SMIM29: variants seen among roughly 807,000 people sequenced by gnomAD.
SMIM29 encodes uncharacterized protein C6orf1.
A neutral mutation model predicts 12.9 loss-of-function variants in SMIM29; 4 were observed. The observed-to-expected ratio is 0.31, with a 90% CI of 0.15 to 0.71. The LOEUF is 0.71. SMIM29 is among the 30% of genes least tolerant of loss of function. The pLI, the probability that SMIM29 is intolerant of heterozygous loss-of-function variation, is 0.70. For synonymous variants in SMIM29, 50 were observed against 52.0 expected (o/e 0.96, Z 0.17); for missense variants, 122 against 138.1 (o/e 0.88, Z 0.58).
intron 1 of SMIM29, chr6:34,248,167 T>G (rs1762881320): frequency 2.0e-6 from 2 of 985,320 alleles, no homozygotes; most frequent in South Asian, 9.4e-5. Flanking sequence ...GGGGAAAGAT[T>G]AAGTGCAGGT....
chr6:34,248,254 G>A (rs1762886724), intron 1 of SMIM29: 2 of 985,472 alleles, frequency 2.0e-6, no homozygotes, highest in Non-Finnish European at 2.4e-6. Flanking sequence ...GATAAATGAG[G>A]TCTAAAGGAA....
In SMIM29 at chr6:34,246,544, C is replaced by A; in HGVS notation, c.*259G>T. 2.5e-6 allele frequency: 4 copies of A among 1,569,800 alleles called. 1 individual carries two copies. In the South Asian group the frequency reaches 4.7e-5, roughly 18 times the overall value. ...GAAAGCAAAGGTGTCTACCAGCCGCCCCCATCCCAGAAGGAAAGCCTCTTC... is the reference window on the plus strand; with the variant it reads ...GAAAGCAAAGGTGTCTACCAGCCGCACCCATCCCAGAAGGAAAGCCTCTTC... On this transcript the variant is annotated 3_prime_UTR_variant, in exon 5 of 5. Coordinates refer to ENST00000476320, the MANE Select transcript of SMIM29 (RefSeq NM_001008703.4).
intron 3 of SMIM29, 87 bp from the exon 4 acceptor site, chr6:34,247,236 C>A (rs1762833005): frequency 1.2e-6 from 2 of 1,603,880 alleles, no homozygotes; most frequent in Non-Finnish European, 1.7e-6. Context: ...CTTTCCCAGG[C>A]AGGGGCAATT....
Position 34,246,876 on chromosome 6 carries a change from G to A in SMIM29, c.244-8C>T, listed in dbSNP as rs887258731. On this transcript the variant is annotated splice_polypyrimidine_tract_variant and splice_region_variant and intron_variant, in intron 4 of 4. Coordinates refer to ENST00000476320, the MANE Select transcript of SMIM29 (RefSeq NM_001008703.4). ...CTGCCAGCCATGTACCACCTGTCGG[G>A]GAGGAGACCACACCACAAGGCTGGG... is the stretch of plus-strand genomic sequence containing the variant. The A allele has an allele frequency of 6.2e-7, 1 of 1,604,168 alleles. No homozygotes were observed. The highest frequency in any genetic ancestry group is 8.5e-7 in the Non-Finnish European group (1 of 1,173,920).
Position 34,248,249 on chromosome 6 carries a change from A to G in SMIM29, c.-73-385T>C, listed in dbSNP as rs1230495803. On this transcript the variant is annotated intron_variant, in intron 1 of 4. Coordinates refer to ENST00000476320, the MANE Select transcript of SMIM29 (RefSeq NM_001008703.4). ...CTGTCCAGTGGAGCAAAATGGATAA[A>G]TGAGGTCTAAAGGAAGGACCTGCAC... is the stretch of plus-strand genomic sequence containing the variant. 3.0e-6 allele frequency: 3 copies of G among 985,350 alleles called. No homozygotes were observed. The African/African-American group carries it at 5.2e-5, about 17-fold the overall frequency. The allele number at this position is 985,350 out of a possible 1,614,324, so 61.0% of individuals were successfully genotyped here.
At chr6:34,248,805 C>A in intron 1 of SMIM29, 174 bp downstream of exon 1, 1 of 985,800 alleles carries the variant, frequency 1.0e-6, no homozygotes, top group Non-Finnish European at 1.2e-6. Context: ...AGGATGCGGG[C>A]CAGCAACAGC....
chr6:34,247,038 G>T lies in SMIM29; in HGVS notation c.243+6C>A. The T allele has an allele frequency of 6.2e-7, 1 of 1,614,086 alleles. No homozygotes were observed. On this transcript the variant is annotated splice_donor_region_variant and intron_variant, in intron 4 of 4. Coordinates refer to ENST00000476320, the MANE Select transcript of SMIM29 (RefSeq NM_001008703.4). Reference sequence around the variant, plus strand: ...CTCATTCTCCCCCTGGCCCCCAAGTGCTCACCTTGGGGTCTCCCATGTCAG... The same window carrying T: ...CTCATTCTCCCCCTGGCCCCCAAGTTCTCACCTTGGGGTCTCCCATGTCAG...
chr6:34,246,623 C>T lies in SMIM29; in HGVS notation c.*180G>A, dbSNP rs952538613. The stretch of plus-strand genomic sequence containing the variant: ...CTCAACACCCACAAAGGGCAGAAGG[C>T]CTGGGGGCAGTGAGGTGATGGTGAG... On this transcript the variant is annotated 3_prime_UTR_variant, in exon 5 of 5. Coordinates refer to ENST00000476320, the MANE Select transcript of SMIM29 (RefSeq NM_001008703.4). 6.2e-7 allele frequency: 1 copy of T among 1,613,806 alleles called. No homozygotes were observed. Among genetic ancestry groups the T allele is most frequent in the Non-Finnish European group, 8.5e-7 (1 of 1,179,924 alleles).
rs759233020 is a variant in SMIM29 at position 34,247,091 on chromosome 6, G to T, written c.196C>A (p.Leu66Met). 6 of 1,614,108 alleles carry T rather than the reference G, an allele frequency of 3.7e-6. No individual in the cohort carries two copies. The highest frequency in any genetic ancestry group is 5.1e-6 in the Non-Finnish European group (6 of 1,180,018). ...PMYSYDPAEE[L>M]HEAEQELLSD... ...AGCAGCTCCTGCTCAGCCTCATGCA[G>T]TTCCTCAGCTGGGTCATAGCTGTAC... Residue 66 changes from leucine to methionine, a missense_variant, in exon 4 of 5, where the codon CTG becomes ATG. Coordinates refer to ENST00000476320, the MANE Select transcript of SMIM29 (RefSeq NM_001008703.4).
Position 34,247,161 on chromosome 6 carries a change from G to GGGA in SMIM29, c.138-15_138-13dup. 6.2e-7 allele frequency: 1 copy of GGGA among 1,613,946 alleles called. No individual in the cohort carries two copies. The highest frequency in any genetic ancestry group is 8.5e-7 in the Non-Finnish European group (1 of 1,179,968). On this transcript the variant is annotated splice_polypyrimidine_tract_variant and intron_variant, in intron 3 of 4. Transcript: ENST00000476320. ...GCAGCCGGTCCACCCTGGGGAGCAG[G>GGGA]GGAGGGGACTCAGCTAGGAGGTCCC...
intron 1 of SMIM29, chr6:34,248,727 C>G (rs1479908260): frequency 2.0e-6 from 2 of 985,436 alleles, no homozygotes; most frequent in East Asian, 1.1e-4. Context: ...TTGCCCTTAC[C>G]CAGTCGTATG....
chr6:34,246,485 G>T lies in SMIM29; in HGVS notation c.*318C>A, dbSNP rs1762759945. 1.3e-6 allele frequency: 2 copies of T among 1,518,694 alleles called. No homozygotes were observed. Among genetic ancestry groups the T allele is most frequent in the African/African-American group, 2.8e-5 (2 of 71,760 alleles). 94.1% of individuals were successfully genotyped at this position (1,518,694 alleles called of 1,614,324 possible). The stretch of plus-strand genomic sequence containing the variant: ...GAAACAACTCCAAAGCCTGCCTGGG[G>T]ATTTGTGCCCAAGCCCAGCCCAGGA... On this transcript the variant is annotated 3_prime_UTR_variant, in exon 5 of 5. Coordinates refer to ENST00000476320, the MANE Select transcript of SMIM29 (RefSeq NM_001008703.4).
chr6:34,248,322 C>T (rs1762889306), intron 1 of SMIM29: 3 of 985,348 alleles, frequency 3.0e-6, no homozygotes. Flanking sequence ...CGCTTCCATC[C>T]TGGTCCAATC....
chr6:34,247,612 G>A (rs1015331401), intron 2 of SMIM29, 69 bp downstream of exon 2: 208 of 1,458,972 alleles, frequency 1.4e-4, no homozygotes, highest in Non-Finnish European at 1.8e-4. Flanking sequence ...TGTGCAGACT[G>A]GACCAGGCCC....
rs1420926333 is a variant in SMIM29, at chr6:34,246,865, C to T, written c.247G>A (p.Val83Ile). Residue 83 changes from valine (V) to isoleucine (I), a missense_variant, in exon 5 of 5, where the codon GTA (valine) becomes ATA (isoleucine). Transcript: ENST00000476320. ...LLSDMGDPKVVHGWQSGYQHK... is the reference protein window; with the variant it reads ...LLSDMGDPKVIHGWQSGYQHK... ...TGGTAGCCACTCTGCCAGCCATGTACCACCTGTCGGGGAGGAGACCACACC... is the reference window on the plus strand; with the variant it reads ...TGGTAGCCACTCTGCCAGCCATGTATCACCTGTCGGGGAGGAGACCACACC... 1 of 1,607,262 alleles carries T rather than the reference C, an allele frequency of 6.2e-7. No homozygotes were observed. The highest frequency in any genetic ancestry group is 1.7e-5 in the Admixed American group (1 of 59,842).
rs1242925245 is a variant in SMIM29 at position 34,246,424 on chromosome 6, T to C, written c.*379A>G. 8.8e-6 allele frequency: 12 copies of C among 1,366,072 alleles called. No individual in the cohort carries two copies. The highest frequency in any genetic ancestry group is 1.6e-5 in the South Asian group (1 of 61,402). 84.6% of individuals were successfully genotyped at this position (1,366,072 alleles called of 1,614,324 possible). ...CACAAAACATTTTATTTACAAAATA[T>C]ATACTGAATACTATACATCTGGCCC... is the stretch of plus-strand genomic sequence containing the variant. On this transcript the variant is annotated 3_prime_UTR_variant, in exon 5 of 5. Transcript: ENST00000476320.
In SMIM29 at chr6:34,247,751, C is replaced by A; in HGVS notation, c.41G>T (p.Ser14Ile). 2 of 1,359,520 alleles carry A rather than the reference C, an allele frequency of 1.5e-6. No individual in the cohort carries two copies. The highest frequency in any genetic ancestry group is 1.9e-6 in the Non-Finnish European group (2 of 1,062,190). 84.2% of individuals were successfully genotyped at this position (1,359,520 alleles called of 1,614,324 possible). The change falls in exon 2 of 5, where the codon AGC becomes ATC. Residue 14 changes from serine to isoleucine, a missense_variant. Physicochemically the swap from Ser to Ile is moderately radical, Grantham distance 142. Coordinates refer to ENST00000476320, the MANE Select transcript of SMIM29 (RefSeq NM_001008703.4). ...TTVPNAPQAN[S>I]DSMVGYVLGP... ...CAACACATAGCCCACCATGGAGTCG[C>A]TGTTGGCCTGGGGGGCATTGGGCAC...
chr6:34,247,016 A>T, intron 4 of SMIM29, 28 bp downstream of exon 4: 1 of 1,613,828 alleles, frequency 6.2e-7, no homozygotes, highest in Non-Finnish European at 8.5e-7. Flanking sequence ...ACCTTGCCTC[A>T]TTCTCCCCCT....
At position 34,246,406 on chromosome 6, in the gene SMIM29, CAT is replaced by C; in HGVS notation, c.*395_*396del. The C allele has an allele frequency of 7.9e-7, 1 of 1,268,942 alleles. No homozygotes were observed. The highest frequency in any genetic ancestry group is 2.7e-5 in the East Asian group (1 of 37,282). The allele number at this position is 1,268,942 out of a possible 1,614,324, so 78.6% of individuals were successfully genotyped here. A position where few individuals can be genotyped will look rare whatever the true frequency, so the allele number is the denominator to read the frequency against. On this transcript the variant is annotated 3_prime_UTR_variant, in exon 5 of 5. Coordinates refer to ENST00000476320, the MANE Select transcript of SMIM29 (RefSeq NM_001008703.4). The stretch of plus-strand genomic sequence containing the variant: ...GAAATCAAAACCCCTAGCCACAAAA[CAT>C]TTTATTTACAAAATATATACTGAAT...
Sources: allele counts gnomAD v4.1 joint callset, GRCh38; gene constraint gnomAD v4.1.1; transcripts MANE v1.5; gene names NCBI Gene and HGNC (gene_info 2026-07-23, HGNC 2026-07-21).